Variants in APLP2 observed in about 807,000 individuals in gnomAD.
APLP2 encodes CDEI box-binding protein.
Under a neutral mutation model 89.9 loss-of-function variants are expected in APLP2, and 53 were observed. The observed-to-expected ratio is 0.59, with a 90% CI of 0.47 to 0.74. APLP2 has a LOEUF of 0.74. Among genes scored for constraint, APLP2 ranks in the 30% least tolerant of loss-of-function variants. APLP2 has a pLI of 0.00. For missense variants in APLP2, 973 were observed against 975.9 expected, an observed-to-expected ratio of 1.00 and a Z score of 0.04; for synonymous variants, 372 against 348.6, an observed-to-expected ratio of 1.07 and a Z score of -0.75.
chr11:130,081,205 G>GT (rs1159536362), intron 1 of APLP2, among the ~76,000 whole-genome samples: 1 of 151,814 alleles, frequency 6.6e-6, no homozygotes, highest in African/African-American at 2.4e-5. Flanking sequence ...TACATATTTT[G>GT]TAACGTGTAT....
intron 1 of APLP2, among the ~76,000 whole-genome samples, chr11:130,071,134 G>A (rs1565541755): frequency 1.3e-5 from 2 of 152,238 alleles, no homozygotes. Context: ...ATTACAACTG[G>A]TTTCTGCATA....
Position 130,126,763 on chromosome 11 carries a change from A to G in APLP2, c.1154A>G (p.Asn385Ser). The change falls in exon 8 of 17, where the codon AAT becomes AGT. Residue 385 changes from asparagine to serine, a missense_variant. Asn to Ser is a conservative substitution (Grantham distance 46, BLOSUM62 1). Transcript: ENST00000338167. The part of the protein sequence containing the change: ...DVYFETSADD[N>S]EHARFQKAKE... Reference sequence around the variant, plus strand: ...TATTTCGAGACCTCTGCAGATGATAATGAGCATGCTCGCTTCCAGAAGGCT... The same window carrying G: ...TATTTCGAGACCTCTGCAGATGATAGTGAGCATGCTCGCTTCCAGAAGGCT... 1 of 1,614,214 alleles carries G rather than the reference A, an allele frequency of 6.2e-7. No individual in the cohort carries two copies. Among genetic ancestry groups the G allele is most frequent in the South Asian group, 1.1e-5 (1 of 91,086 alleles).
chr11:130,103,243 T>C (rs868172863), intron 1 of APLP2, among the ~76,000 whole-genome samples: 1 of 152,232 alleles, frequency 6.6e-6, no homozygotes, highest in Non-Finnish European at 1.5e-5. Flanking sequence ...GGTTGGGGTA[T>C]GTTTGATTAG....
chr11:130,079,299 A>T (rs1221878924), intron 1 of APLP2, among the ~76,000 whole-genome samples: 1 of 152,028 alleles, frequency 6.6e-6, no homozygotes, highest in Non-Finnish European at 1.5e-5. Context: ...GGGTTTCACC[A>T]TGTTGGTCAG....
Position 130,070,102 on chromosome 11 carries a change from C to T in APLP2, c.105+20C>T, listed in dbSNP as rs559406582. The T allele has an allele frequency of 5.8e-4, 789 of 1,369,722 alleles. 4 individuals are homozygous for T. The African/African-American group carries it at 0.011, about 19-fold the overall frequency. 84.8% of individuals were successfully genotyped at this position (1,369,722 alleles called of 1,614,324 possible). On this transcript the variant is annotated intron_variant, in intron 1 of 16. Coordinates refer to ENST00000338167, the MANE Select transcript of APLP2 (RefSeq NM_001142276.2). Reference sequence around the variant, plus strand: ...ATCGAGGTGGGGACCGGGCGAACGCCGGAGAGTCGTCTCCTTCGCCCGCCG... The same window carrying T: ...ATCGAGGTGGGGACCGGGCGAACGCTGGAGAGTCGTCTCCTTCGCCCGCCG...
At chr11:130,140,722 T>C (rs949393090) in intron 14 of APLP2, 2 of 312,324 alleles carry the variant, frequency 6.4e-6, no homozygotes, top group South Asian at 7.5e-5. Flanking sequence ...GGAAAATATA[T>C]TTACAACTAA....
intron 13 of APLP2, among the ~76,000 whole-genome samples, chr11:130,137,849 A>T (rs1287251672): frequency 6.6e-6 from 1 of 151,518 alleles, no homozygotes; most frequent in East Asian, 1.9e-4. Flanking sequence ...CACTGTACTG[A>T]GTCTCCAGTT....
At chr11:130,116,858 G>C (rs1371534739) in intron 3 of APLP2, among the ~76,000 whole-genome samples, 2 of 152,228 alleles carry the variant, frequency 1.3e-5, no homozygotes, top group African/African-American at 4.8e-5. Flanking sequence ...GGCCAGGCCT[G>C]GTGGCTTATG....
At chr11:130,137,693 C>T (rs1951796448) in intron 13 of APLP2, among the ~76,000 whole-genome samples, 1 of 152,168 alleles carries the variant, frequency 6.6e-6, no homozygotes, top group African/African-American at 2.4e-5. Flanking sequence ...TCTCTTTTCC[C>T]TCTTTTTCTC....
chr11:130,070,221 G>A, intron 1 of APLP2, 139 bp downstream of exon 1: 1 of 379,628 alleles, frequency 2.6e-6, no homozygotes, highest in Non-Finnish European at 4.0e-6. Flanking sequence ...GGTCTGGCGC[G>A]CCCTCCCCCG....
At chr11:130,073,587 A>G (rs1941544899) in intron 1 of APLP2, among the ~76,000 whole-genome samples, 1 of 152,224 alleles carries the variant, frequency 6.6e-6, no homozygotes, top group Non-Finnish European at 1.5e-5. Flanking sequence ...TCACGCCTGT[A>G]ATCCTAGCAC....
intron 1 of APLP2, among the ~76,000 whole-genome samples, chr11:130,091,586 G>T (rs1422990934): frequency 7.6e-6 from 1 of 131,482 alleles, no homozygotes; most frequent in African/African-American, 3.0e-5. Context: ...CTGGCCGGGT[G>T]GGGGGGCTGA....
At chr11:130,103,423 G>T (rs1947208581) in intron 1 of APLP2, among the ~76,000 whole-genome samples, 1 of 152,152 alleles carries the variant, frequency 6.6e-6, no homozygotes. Flanking sequence ...GGTGGTAACT[G>T]ATGTGAGGAT....
At chr11:130,087,590 G>A (rs1679376703) in intron 1 of APLP2, among the ~76,000 whole-genome samples, 1 of 152,150 alleles carries the variant, frequency 6.6e-6, no homozygotes, top group Admixed American at 6.5e-5. Flanking sequence ...TGAAAACGAG[G>A]AAAAGAGAAC....
At chr11:130,091,356 C>G (rs1312152307) in intron 1 of APLP2, among the ~76,000 whole-genome samples, 1 of 146,278 alleles carries the variant, frequency 6.8e-6, no homozygotes, top group Admixed American at 6.7e-5. Flanking sequence ...GGCGGCTGGC[C>G]GGGCGGGGGG....
chr11:130,127,694 T>C, intron 8 of APLP2, 72 bp from the exon 9 acceptor site: 3 of 1,229,300 alleles, frequency 2.4e-6, no homozygotes, highest in Non-Finnish European at 3.6e-6. Flanking sequence ...CATCTGACAG[T>C]GTTTTTAGCA....
chr11:130,129,068 A>T lies in APLP2; in HGVS notation c.1317A>T (p.Lys439Asn). The T allele has an allele frequency of 6.2e-7, 1 of 1,613,980 alleles. No individual in the cohort carries two copies. Among genetic ancestry groups the T allele is most frequent in the Non-Finnish European group, 8.5e-7 (1 of 1,179,898 alleles). ...TLIQHFQAMV[K>N]ALEKEAASEK... The stretch of plus-strand genomic sequence containing the variant: ...TTTAGCACTTCCAAGCCATGGTTAA[A>T]GCTTTAGAGAAGGAAGCAGCCAGTG... Residue 439 changes from lysine (K) to asparagine (N), a missense_variant, in exon 10 of 17, where the codon AAA becomes AAT. By Grantham distance (94) the Lys-to-Asn change is moderately conservative. Coordinates refer to ENST00000338167, the MANE Select transcript of APLP2 (RefSeq NM_001142276.2).
At chr11:130,093,901 G>A (rs995175669) in intron 1 of APLP2, among the ~76,000 whole-genome samples, 13 of 151,920 alleles carry the variant, frequency 8.6e-5, no homozygotes, top group African/African-American at 2.9e-4. Context: ...GTGCCACCAC[G>A]TCTGGCTAAT....
chr11:130,084,062 C>CG lies in APLP2; in HGVS notation c.105+13982dup, dbSNP rs1456708231. On this transcript the variant is annotated intron_variant, in intron 1 of 16. Transcript: ENST00000338167. Reference sequence around the variant, plus strand: ...GGGATCGAGACCATCCTGGCTAACACGGTGAAACCCTGTCTCTACTAAAAA... The same window carrying CG: ...GGGATCGAGACCATCCTGGCTAACACGGGTGAAACCCTGTCTCTACTAAAAA... 7.2e-5 allele frequency among the ~76,000 whole-genome samples: 11 copies of CG among 152,160 alleles called. No individual in the cohort carries two copies. In the East Asian group the frequency reaches 2.1e-3, roughly 29 times the overall value.
Sources: gnomAD v4.1 joint callset for allele counts (sites outside exome capture counted in the v4.1 genomes callset) on GRCh38, gnomAD v4.1.1 for gene constraint, MANE v1.5 for transcripts, NCBI Gene and HGNC (gene_info 2026-07-23, HGNC 2026-07-21) for gene names.